Variants in ATG5 observed in about 807,000 individuals in gnomAD.
The protein encoded by ATG5 is autophagy related 5.
In ATG5, 14 loss-of-function variants were observed where a neutral mutation model predicts 36.5. The ratio of observed to expected loss-of-function variants is 0.38; its 90% CI spans 0.25 to 0.60. ATG5 has a LOEUF of 0.60. ATG5 is among the 20% of genes least tolerant of loss of function. The pLI is 0.60. For missense variants in ATG5, 195 were observed against 326.7 expected (o/e 0.60, Z 3.11); for synonymous variants, 95 against 101.5 (o/e 0.94, Z 0.38).
intron 3 of ATG5, among the ~76,000 whole-genome samples, chr6:106,294,938 A>G (rs1374989940): frequency 1.3e-5 from 2 of 151,902 alleles, no homozygotes; most frequent in African/African-American, 2.4e-5. Flanking sequence ...TATATCTCTT[A>G]ATAATATCCC....
intron 5 of ATG5, among the ~76,000 whole-genome samples, chr6:106,252,339 TTCAA>T (rs1778626269): frequency 6.6e-6 from 1 of 151,714 alleles, no homozygotes; most frequent in Non-Finnish European, 1.5e-5. Flanking sequence ...TACAGAAATA[TTCAA>T]TCAATTAAAA....
In ATG5 at chr6:106,207,811, C is replaced by T. The variant is rs140281895; in HGVS notation, c.574-5722G>A. Among the ~76,000 whole-genome samples, 500 of 151,140 alleles carry T rather than the reference C, an allele frequency of 3.3e-3. 2 individuals carry two copies. Among genetic ancestry groups the T allele is most frequent in the African/African-American group, 0.011 (473 of 41,266 alleles). On this transcript the variant is annotated intron_variant, in intron 6 of 7. Transcript: ENST00000369076. ...GCCAGTTGTTAAAGAGTATTAGATT[C>T]GGCTGGGGGTGGTGGCTCATGCCTG... is the stretch of plus-strand genomic sequence containing the variant.
At chr6:106,207,265 A>C (rs897305150) in intron 6 of ATG5, among the ~76,000 whole-genome samples, 2 of 152,232 alleles carry the variant, frequency 1.3e-5, no homozygotes, top group African/African-American at 4.8e-5. Flanking sequence ...ATTTTTTCTT[A>C]TATGGGAAAT....
chr6:106,272,341 C>A (rs1779484943), intron 5 of ATG5, among the ~76,000 whole-genome samples: 1 of 152,210 alleles, frequency 6.6e-6, no homozygotes, highest in East Asian at 1.9e-4. Flanking sequence ...GTTCCTCCTG[C>A]CAGGGATTAA....
chr6:106,263,808 C>T (rs145868506), intron 5 of ATG5, among the ~76,000 whole-genome samples: 2 of 151,484 alleles, frequency 1.3e-5, no homozygotes, highest in Non-Finnish European at 2.9e-5. Flanking sequence ...ACATAAAGGA[C>T]CCCCACAAAA....
At chr6:106,295,057 T>C (rs369963709) in intron 3 of ATG5, among the ~76,000 whole-genome samples, 2 of 104,064 alleles carry the variant, frequency 1.9e-5, no homozygotes, top group South Asian at 3.2e-4. Context: ...TAAAAAAAAA[T>C]ATACATACAC....
At chr6:106,221,450 C>G (rs568795296) in intron 6 of ATG5, among the ~76,000 whole-genome samples, 145 of 152,190 alleles carry the variant, frequency 9.5e-4, no homozygotes, top group African/African-American at 3.3e-3. Context: ...CTTTGGGAGG[C>G]CAAGATGGGC....
At chr6:106,321,483 C>A (rs925079746) in intron 1 of ATG5, among the ~76,000 whole-genome samples, 31 of 152,042 alleles carry the variant, frequency 2.0e-4, no homozygotes, top group African/African-American at 7.5e-4. Flanking sequence ...CTCAGCCTCC[C>A]GAGTAGCTGG....
chr6:106,224,785 G>A (rs1045127087), intron 6 of ATG5, among the ~76,000 whole-genome samples: 5 of 152,178 alleles, frequency 3.3e-5, no homozygotes, highest in African/African-American at 1.2e-4. Context: ...GGAGGCTGAG[G>A]TAGGAGAATC....
intron 1 of ATG5, among the ~76,000 whole-genome samples, chr6:106,324,910 A>T (rs1299250362): frequency 6.6e-6 from 1 of 152,238 alleles, no homozygotes; most frequent in Non-Finnish European, 1.5e-5. Context: ...TTGGAAGTTC[A>T]GCTACTGTCT....
At chr6:106,214,026 G>A (rs776726997) in intron 6 of ATG5, among the ~76,000 whole-genome samples, 18 of 152,112 alleles carry the variant, frequency 1.2e-4, no homozygotes, top group Non-Finnish European at 2.4e-4. Context: ...TAAATATTAT[G>A]TGGCACAAAG....
In ATG5 at chr6:106,206,087, T is replaced by A. The variant is rs529989075; in HGVS notation, c.574-3998A>T. On this transcript the variant is annotated intron_variant, in intron 6 of 7. Transcript: ENST00000369076. ...TAGTTACTTCTATCATCTGAATGCG[T>A]CCCTCCAAAATTCATGCTGAAACCT... Among the ~76,000 whole-genome samples, 7 of 152,260 alleles carry A rather than the reference T, an allele frequency of 4.6e-5. No homozygotes were observed. In the East Asian group the frequency reaches 1.4e-3, roughly 29 times the overall value.
intron 6 of ATG5, among the ~76,000 whole-genome samples, chr6:106,205,869 A>T (rs747386754): frequency 3.0e-4 from 46 of 152,224 alleles, no homozygotes; most frequent in Admixed American, 9.8e-4. Flanking sequence ...TCATTTAATG[A>T]AAATCTTATT....
At position 106,265,507 on chromosome 6, in the gene ATG5, T is replaced by C. The variant is rs192645148; in HGVS notation, c.478+14154A>G. Among the ~76,000 whole-genome samples the C allele has an allele frequency of 3.4e-3, 517 of 152,282 alleles. 3 individuals are homozygous for C. The highest frequency in any genetic ancestry group is 0.011 in the African/African-American group (470 of 41,562). On this transcript the variant is annotated intron_variant, in intron 5 of 7. Transcript: ENST00000369076. ...TCAGCTCTGGACCAAGTGGACCTAA[T>C]AGACATCAACAGAACTCTCCATCCC...
intron 6 of ATG5, among the ~76,000 whole-genome samples, chr6:106,206,478 A>G (rs889578847): frequency 6.6e-6 from 1 of 152,206 alleles, no homozygotes; most frequent in South Asian, 2.1e-4. Context: ...GTGAAACCCC[A>G]TCTCTACTAA....
intron 6 of ATG5, among the ~76,000 whole-genome samples, chr6:106,216,902 T>C (rs1458224892): frequency 6.6e-6 from 1 of 150,830 alleles, no homozygotes; most frequent in African/African-American, 2.5e-5. Flanking sequence ...AATAAACAAA[T>C]AAATAAATAA....
intron 7 of ATG5, among the ~76,000 whole-genome samples, chr6:106,188,544 T>C (rs935380445): frequency 6.6e-6 from 1 of 152,150 alleles, no homozygotes; most frequent in Non-Finnish European, 1.5e-5. Flanking sequence ...AAATACAATA[T>C]GGTAAACAAT....
At chr6:106,219,164 A>T (rs1239477329) in intron 6 of ATG5, among the ~76,000 whole-genome samples, 1 of 152,184 alleles carries the variant, frequency 6.6e-6, no homozygotes, top group Non-Finnish European at 1.5e-5. Context: ...TATGCTTGGA[A>T]AATTTAGACA....
chr6:106,308,626 G>T, intron 2 of ATG5, 135 bp from the exon 3 acceptor site: 1 of 651,122 alleles, frequency 1.5e-6, no homozygotes, highest in Non-Finnish European at 2.4e-6. Context: ...AAAGTCTACT[G>T]CTTTTTATAG....
Sources: gnomAD v4.1 joint callset for allele counts (sites outside exome capture counted in the v4.1 genomes callset) on GRCh38, gnomAD v4.1.1 for gene constraint, MANE v1.5 for transcripts, NCBI Gene and HGNC (gene_info 2026-07-23, HGNC 2026-07-21) for gene names.